SOCS2: variants seen among roughly 807,000 people sequenced by gnomAD.
SOCS2 encodes CIS-2.
In SOCS2, 10 loss-of-function variants were observed where a neutral mutation model predicts 18.6. The observed-to-expected ratio is 0.54, with a 90% CI of 0.33 to 0.91. The LOEUF (loss-of-function observed/expected upper bound fraction) is 0.91. SOCS2 is among the 40% of genes least tolerant of loss of function. The pLI, the probability that SOCS2 is intolerant of heterozygous loss-of-function variation, is 0.02. For missense variants in SOCS2, 231 were observed against 247.2 expected, an observed-to-expected ratio of 0.93 and a Z score of 0.44; for synonymous variants, 104 against 104.0, an observed-to-expected ratio of 1.00 and a Z score of 0.00.
intron 1 of SOCS2, among the ~76,000 whole-genome samples, chr12:93,582,091 G>A (rs181757708): frequency 3.3e-5 from 5 of 152,268 alleles, no homozygotes; most frequent in Admixed American, 6.5e-5. Context: ...GTTACTTTGC[G>A]GACAGGGTGC....
the SOCS2 span, among the ~76,000 whole-genome samples, chr12:93,624,063 T>C: frequency 0.15 from 22,644 of 152,082 alleles, 2,437 homozygotes; most frequent in East Asian, 0.37. Flanking sequence ...TAGGAGGTAA[T>C]TAAGTCATGA....
downstream of SOCS2, among the ~76,000 whole-genome samples, chr12:93,587,464 G>A (rs1954591348): frequency 6.6e-6 from 1 of 152,082 alleles, no homozygotes; most frequent in Non-Finnish European, 1.5e-5. Context: ...GGCAGATCAC[G>A]AGGTCAGGAG....
downstream of SOCS2, among the ~76,000 whole-genome samples, chr12:93,581,687 C>T (rs1954542786): frequency 6.6e-6 from 1 of 152,070 alleles, no homozygotes; most frequent in Non-Finnish European, 1.5e-5. Context: ...TTCCTCCCTC[C>T]CTTCTCACCT....
the SOCS2 span, among the ~76,000 whole-genome samples, chr12:93,598,340 G>A: frequency 6.6e-6 from 1 of 152,074 alleles, no homozygotes; most frequent in African/African-American, 2.4e-5. Flanking sequence ...GAAGGTGAAG[G>A]TGGGAGGAGA....
chr12:93,581,211 G>A (rs1954534980), downstream of SOCS2, among the ~76,000 whole-genome samples: 1 of 152,192 alleles, frequency 6.6e-6, no homozygotes, highest in Non-Finnish European at 1.5e-5. Flanking sequence ...CATGGTGGGA[G>A]TATTACACCA....
the SOCS2 span, among the ~76,000 whole-genome samples, chr12:93,591,449 C>G: frequency 1.3e-5 from 2 of 152,282 alleles, no homozygotes; most frequent in East Asian, 1.9e-4. Flanking sequence ...GTCTGTCTGT[C>G]TGCGGCAAGA....
At chr12:93,614,393 CTTTCT>C in the SOCS2 span, among the ~76,000 whole-genome samples, 1 of 140,212 alleles carries the variant, frequency 7.1e-6, no homozygotes, top group Non-Finnish European at 1.5e-5. Context: ...TTCTTTCTTT[CTTTCT>C]TTCTTTCTTT....
the SOCS2 span, among the ~76,000 whole-genome samples, chr12:93,591,241 T>TA: frequency 1.3e-3 from 156 of 120,958 alleles, no homozygotes; most frequent in African/African-American, 2.1e-3. Context: ...AGGTGTTTTT[T>TA]AAAAAAAAAA....
At chr12:93,614,547 CTT>C in the SOCS2 span, among the ~76,000 whole-genome samples, 51 of 25,564 alleles carry the variant, frequency 2.0e-3, no homozygotes, top group African/African-American at 0.011. Context: ...TTCCTTCTTT[CTT>C]TCTTTCTTTC....
the SOCS2 span, among the ~76,000 whole-genome samples, chr12:93,612,541 G>A: frequency 6.6e-6 from 1 of 152,128 alleles, no homozygotes; most frequent in South Asian, 2.1e-4. Context: ...TTTCCATGGT[G>A]TTAATCCTAA....
At chr12:93,615,626 C>T in the SOCS2 span, among the ~76,000 whole-genome samples, 3 of 152,192 alleles carry the variant, frequency 2.0e-5, no homozygotes, top group African/African-American at 4.8e-5. Context: ...GACAGAGTCT[C>T]GATCTGTCAC....
the SOCS2 span, among the ~76,000 whole-genome samples, chr12:93,600,850 G>A: frequency 4.6e-5 from 7 of 150,666 alleles, no homozygotes; most frequent in African/African-American, 1.5e-4. Flanking sequence ...GTGCAGTGAC[G>A]TGATCATGGC....
the SOCS2 span, among the ~76,000 whole-genome samples, chr12:93,597,086 A>G: frequency 6.6e-6 from 1 of 152,200 alleles, no homozygotes; most frequent in Admixed American, 6.5e-5. Flanking sequence ...GTTTCCCCCC[A>G]GTGGTTGGCT....
rs140848685 is a variant in SOCS2 at position 93,572,824 on chromosome 12, C to A, written c.-74C>A. On this transcript the variant is annotated 5_prime_UTR_variant, in exon 1 of 2. Transcript: ENST00000551556. This position sits in a 1 kb window ranked among gnomAD's most constrained non-coding sequence, Gnocchi z 5.0. Reference sequence around the variant, plus strand: ...CTCGTTTTGGGATTCGCACTGACTTCAAGGAAGGACGCGAACCCTTCTCTG... The same window carrying A: ...CTCGTTTTGGGATTCGCACTGACTTAAAGGAAGGACGCGAACCCTTCTCTG... 7.8e-6 allele frequency: 12 copies of A among 1,546,232 alleles called. No homozygotes were observed. The highest frequency in any genetic ancestry group is 3.3e-4 in the Middle Eastern group (2 of 5,986).
chr12:93,608,397 G>A, the SOCS2 span, among the ~76,000 whole-genome samples: 1 of 152,014 alleles, frequency 6.6e-6, no homozygotes, highest in East Asian at 1.9e-4. Flanking sequence ...TTTGCTCCTG[G>A]CTCTAATGTG....
downstream of SOCS2, among the ~76,000 whole-genome samples, chr12:93,585,643 T>C (rs11107117): frequency 0.18 from 27,584 of 152,188 alleles, 2,859 homozygotes; most frequent in East Asian, 0.31. Flanking sequence ...AGAACATGTA[T>C]AGCCTCTTTA....
chr12:93,620,568 C>A, the SOCS2 span, among the ~76,000 whole-genome samples: 1 of 152,310 alleles, frequency 6.6e-6, no homozygotes, highest in Non-Finnish European at 1.5e-5. Flanking sequence ...GCATGCACCA[C>A]CATGCCTGGC....
the SOCS2 span, among the ~76,000 whole-genome samples, chr12:93,614,583 CTTTCTTTCTTTCTTTCTTTCTTTCTT>C: frequency 1.1e-5 from 1 of 92,752 alleles, no homozygotes; most frequent in Non-Finnish European, 2.0e-5. Flanking sequence ...TTCTTTCTTT[CTTTCTTTCTTTCTTTCTTTCTTTCTT>C]TCTTTCTTTC....
the SOCS2 span, among the ~76,000 whole-genome samples, chr12:93,614,478 C>CTTTTT: frequency 2.0e-5 from 1 of 49,426 alleles, no homozygotes; most frequent in African/African-American, 1.4e-4. Flanking sequence ...TTCCTTCCTT[C>CTTTTT]CTTTCCTTCC....
Sources: gnomAD v4.1 joint callset for allele counts (sites outside exome capture counted in the v4.1 genomes callset) on GRCh38, gnomAD v4.1.1 for gene constraint, Gnocchi (gnomAD v3.1) non-coding constraint, MANE v1.5 for transcripts, NCBI Gene and HGNC (gene_info 2026-07-23, HGNC 2026-07-21) for gene names.